Variants in OVCH1 observed in about 807,000 individuals in gnomAD.
OVCH1 encodes the protein ovochymase-1.
A neutral mutation model predicts 138.4 loss-of-function variants in OVCH1; 139 were observed. The observed-to-expected ratio is 1.00, with a 90% CI of 0.87 to 1.16. The LOEUF is 1.16. Among genes scored for constraint, OVCH1 ranks in the 50% most tolerant of loss-of-function variants. The pLI, the probability that OVCH1 is intolerant of heterozygous loss-of-function variation, is 0.00. For missense variants in OVCH1, 1,367 were observed against 1,357.9 expected (o/e 1.01, Z -0.11); for synonymous variants, 453 against 467.8 (o/e 0.97, Z 0.41).
chr12:29,449,177 T>A (rs564864063), intron 22 of OVCH1, among the ~76,000 whole-genome samples: 1 of 152,104 alleles, frequency 6.6e-6, no homozygotes, highest in East Asian at 1.9e-4. Context: ...TTTAACCATC[T>A]TCTGACTTGC....
chr12:29,491,018 T>C, intron 5 of OVCH1, 79 bp downstream of exon 5: 3 of 1,198,244 alleles, frequency 2.5e-6, no homozygotes, highest in Non-Finnish European at 3.7e-6. Context: ...GTACTACTCA[T>C]GGTCAACAAA....
intron 7 of OVCH1, chr12:29,487,048 G>T (rs1460207727): frequency 1.0e-5 from 4 of 391,074 alleles, no homozygotes; most frequent in East Asian, 8.0e-5. Context: ...AGCCCTGTCA[G>T]GTGGCTGCCC....
exon 23 of OVCH1, chr12:29,445,363 C>T (rs1941584397): frequency 1.2e-6 from 2 of 1,611,040 alleles, no homozygotes; most frequent in Non-Finnish European, 1.7e-6. Flanking sequence ...GTCCAGGACT[C>T]ATGAAAGTCA....
At chr12:29,411,718 G>A (rs909038432), downstream of OVCH1, among the ~76,000 whole-genome samples, 1 of 152,040 alleles carries the variant, frequency 6.6e-6, no homozygotes, top group African/African-American at 2.4e-5. Flanking sequence ...CCCCTACTGG[G>A]GGGTGCCTCC....
At chr12:29,477,144 C>A in exon 12 of OVCH1, 1 of 1,613,166 alleles carries the variant, frequency 6.2e-7, no homozygotes, top group Non-Finnish European at 8.5e-7. Flanking sequence ...ACCAATGACA[C>A]CTTGTGTTAC....
chr12:29,423,644 G>T (rs2135889266), downstream of OVCH1, among the ~76,000 whole-genome samples: 1 of 152,318 alleles, frequency 6.6e-6, no homozygotes, highest in East Asian at 1.9e-4. Flanking sequence ...ACACAATAAT[G>T]ATTCTTTTAA....
downstream of OVCH1, among the ~76,000 whole-genome samples, chr12:29,423,816 T>C (rs1016973701): frequency 6.6e-6 from 1 of 152,178 alleles, no homozygotes; most frequent in East Asian, 1.9e-4. Flanking sequence ...GAGTAGTTAA[T>C]CTCTACATCG....
At chr12:29,460,542 G>A (rs1415827336) in intron 19 of OVCH1, among the ~76,000 whole-genome samples, 3 of 152,024 alleles carry the variant, frequency 2.0e-5, no homozygotes, top group African/African-American at 4.8e-5. Context: ...CTAAAGTATC[G>A]GAAATGCTGA....
At chr12:29,405,672 A>G in the OVCH1 span, among the ~76,000 whole-genome samples, 2 of 152,236 alleles carry the variant, frequency 1.3e-5, no homozygotes, top group African/African-American at 4.8e-5. Context: ...GATTCTTTTT[A>G]TCTTCACTAC....
rs549278508 is a variant in OVCH1 at position 29,447,178 on chromosome 12, A to C, written c.2756-1775T>G. ...AAGATAATGGCAATTAGTTTTAAAA[A>C]AACAAGCTGGGTACAGTAGCACATG... On this transcript the variant is annotated intron_variant, in intron 22 of 27. Coordinates refer to ENST00000318184, the Ensembl canonical transcript of OVCH1. 4.6e-5 allele frequency among the ~76,000 whole-genome samples: 7 copies of C among 152,234 alleles called. No homozygotes were observed. The East Asian group carries it at 1.2e-3, about 25-fold the overall frequency.
chr12:29,419,995 G>C (rs374840296), intron 3 of OVCH1, among the ~76,000 whole-genome samples: 175 of 152,322 alleles, frequency 1.1e-3, no homozygotes, highest in African/African-American at 3.8e-3. Flanking sequence ...TGCTCACCAA[G>C]TTATTTGAGC....
chr12:29,447,660 T>C (rs1401327017), intron 22 of OVCH1, among the ~76,000 whole-genome samples: 1 of 152,070 alleles, frequency 6.6e-6, no homozygotes, highest in East Asian at 1.9e-4. Flanking sequence ...TGAAAGCCAA[T>C]GTAACAGACA....
exon 14 of OVCH1, chr12:29,475,102 C>T (rs376772357): frequency 2.0e-5 from 32 of 1,579,336 alleles, no homozygotes; most frequent in East Asian, 1.1e-4. Flanking sequence ...GCCTTGTAAA[C>T]GATTTTTACC....
chr12:29,477,160 T>A, exon 12 of OVCH1: 1 of 1,613,654 alleles, frequency 6.2e-7, no homozygotes, highest in African/African-American at 1.3e-5. Context: ...GTTACTGGGA[T>A]ACAAATCAGG....
chr12:29,450,779 A>G (rs542089057), intron 22 of OVCH1, among the ~76,000 whole-genome samples: 66 of 152,294 alleles, frequency 4.3e-4, no homozygotes, highest in Middle Eastern at 3.4e-3. Context: ...ATGCCCATCA[A>G]TGATAGACTG....
chr12:29,460,270 G>T (rs1942085555), intron 19 of OVCH1, among the ~76,000 whole-genome samples: 1 of 152,158 alleles, frequency 6.6e-6, no homozygotes, highest in African/African-American at 2.4e-5. Flanking sequence ...AATGTTAGAT[G>T]CTGTCAAATA....
In OVCH1 at chr12:29,447,057, A is replaced by C. The variant is rs1444884163; in HGVS notation, c.2756-1654T>G. On this transcript the variant is annotated intron_variant, in intron 22 of 27. Transcript: ENST00000318184. ...ATAAACTTATAACAACATTAAGAATAAGCATTAAGAATAAACATGACAAAG... is the reference window on the plus strand; with the variant it reads ...ATAAACTTATAACAACATTAAGAATCAGCATTAAGAATAAACATGACAAAG... Among the ~76,000 whole-genome samples, 9 of 152,290 alleles carry C rather than the reference A, an allele frequency of 5.9e-5. No individual in the cohort carries two copies. In the East Asian group the frequency reaches 1.2e-3, roughly 20 times the overall value.
chr12:29,487,806 G>T, exon 7 of OVCH1: 2 of 1,606,270 alleles, frequency 1.2e-6, no homozygotes, highest in South Asian at 1.1e-5. Context: ...AGCACAACCA[G>T]CTACCCAGGA....
chr12:29,482,702 G>A (rs1179563044), intron 8 of OVCH1, among the ~76,000 whole-genome samples: 1 of 152,186 alleles, frequency 6.6e-6, no homozygotes, highest in Admixed American at 6.5e-5. Context: ...AGTTCAAGAA[G>A]TTTGAGTTTC....
Sources: allele counts gnomAD v4.1 joint callset (sites outside exome capture counted in the v4.1 genomes callset), GRCh38; gene constraint gnomAD v4.1.1; transcripts MANE v1.5; gene names NCBI Gene and HGNC (gene_info 2026-07-23, HGNC 2026-07-21).